LEKR1: variants seen among roughly 807,000 people sequenced by gnomAD.
LEKR1 encodes protein LEKR1.
Under a neutral mutation model 72.4 loss-of-function variants are expected in LEKR1, and 59 were observed. That is an observed-to-expected ratio of 0.82 (90% confidence interval 0.66 to 1.01). The LOEUF (loss-of-function observed/expected upper bound fraction) is 1.01, where lower values mean the gene tolerates loss of function less well. Ranked by LOEUF, LEKR1 falls within the 50% of genes least tolerant of loss-of-function variation. The pLI is 0.00. For synonymous variants in LEKR1, 257 were observed against 263.2 expected, an observed-to-expected ratio of 0.98 and a Z score of 0.23; for missense variants, 728 against 759.2, an observed-to-expected ratio of 0.96 and a Z score of 0.48.
intron 6 of LEKR1, among the ~76,000 whole-genome samples, chr3:156,973,166 G>T (rs750006802): frequency 6.6e-6 from 1 of 151,900 alleles, no homozygotes; most frequent in African/African-American, 2.4e-5. Flanking sequence ...TAAAGTCTGC[G>T]AAGTTTTATT....
chr3:156,829,608 G>C (rs991553580), intron 2 of LEKR1, among the ~76,000 whole-genome samples: 3 of 152,192 alleles, frequency 2.0e-5, no homozygotes, highest in African/African-American at 7.2e-5. Flanking sequence ...TACAGTATTT[G>C]ACCAGGTGGT....
intron 3 of LEKR1, among the ~76,000 whole-genome samples, chr3:156,909,669 A>AAAAAG (rs1553800892): frequency 0.13 from 19,020 of 145,792 alleles, 1,900 homozygotes; most frequent in African/African-American, 0.25. Flanking sequence ...AAAAAAAAAA[A>AAAAAG]AAAGAAATCT....
chr3:157,022,706 G>A (rs1442811726), intron 10 of LEKR1, among the ~76,000 whole-genome samples: 1 of 152,134 alleles, frequency 6.6e-6, no homozygotes, highest in Non-Finnish European at 1.5e-5. Flanking sequence ...CTACCAGGAG[G>A]CAAAGTGGAT....
At chr3:156,829,648 GA>G (rs1175725243) in intron 2 of LEKR1, among the ~76,000 whole-genome samples, 1 of 152,224 alleles carries the variant, frequency 6.6e-6, no homozygotes, top group East Asian at 1.9e-4. Flanking sequence ...GCAGGCATCA[GA>G]AACGTCCATG....
intron 9 of LEKR1, among the ~76,000 whole-genome samples, chr3:156,996,301 TA>T (rs1560135063): frequency 6.6e-6 from 1 of 152,066 alleles, no homozygotes. Context: ...GCCCATTTCC[TA>T]AAGGAAGACA....
intron 9 of LEKR1, among the ~76,000 whole-genome samples, chr3:157,006,037 C>T (rs1732400177): frequency 6.7e-6 from 1 of 148,436 alleles, no homozygotes; most frequent in Non-Finnish European, 1.5e-5. Flanking sequence ...CTCGCTCTGT[C>T]GCCCAGGCCG....
chr3:156,907,690 C>A (rs905033046), intron 3 of LEKR1, among the ~76,000 whole-genome samples: 2 of 152,028 alleles, frequency 1.3e-5, no homozygotes, highest in African/African-American at 4.8e-5. Context: ...AAAAATAGTA[C>A]AGATAGTTTT....
In LEKR1 at chr3:157,017,957, A is replaced by G. The variant is rs9855737; in HGVS notation, c.1203+6451A>G. On this transcript the variant is annotated intron_variant, in intron 10 of 12. Transcript: ENST00000356539. ...GAGCGAGACTCTGTCTCAAAAAAAA[A>G]AAAAAAAAAAAAAAAGAAAGCTGGA... Among the ~76,000 whole-genome samples, 762 of 107,742 alleles carry G rather than the reference A, an allele frequency of 7.1e-3. 7 individuals are homozygous for G. The highest frequency in any genetic ancestry group is 0.019 in the African/African-American group (713 of 37,086). 70.7% of individuals were successfully genotyped at this position (107,742 alleles called of 152,430 possible). A position where few individuals can be genotyped will look rare whatever the true frequency, so the allele number is the denominator to read the frequency against.
chr3:157,017,429 C>T (rs1334548127), intron 10 of LEKR1: 2 of 152,090 alleles, frequency 1.3e-5, no homozygotes, highest in African/African-American at 2.4e-5. Context: ...AGCAGGTGTC[C>T]CCATCCTCCC....
At chr3:156,936,458 C>CACACAT (rs886539186) in intron 5 of LEKR1, among the ~76,000 whole-genome samples, 3 of 126,622 alleles carry the variant, frequency 2.4e-5, no homozygotes, top group Admixed American at 8.9e-5. Flanking sequence ...CACACACACA[C>CACACAT]ACACACACCC....
intron 3 of LEKR1, among the ~76,000 whole-genome samples, chr3:156,899,399 T>C (rs1006108566): frequency 6.2e-5 from 5 of 80,722 alleles, no homozygotes; most frequent in Admixed American, 3.1e-4. Context: ...CATGTATATA[T>C]ACATATATAC....
intron 6 of LEKR1, among the ~76,000 whole-genome samples, chr3:156,949,262 C>G (rs1681173859): frequency 6.6e-6 from 1 of 151,456 alleles, no homozygotes; most frequent in Admixed American, 6.6e-5. Context: ...TGGTAATTCC[C>G]TAGGTTGTCT....
intron 3 of LEKR1, among the ~76,000 whole-genome samples, chr3:156,872,678 C>T (rs1718091667): frequency 6.6e-6 from 1 of 151,836 alleles, no homozygotes; most frequent in African/African-American, 2.4e-5. Flanking sequence ...TTTTTTATTT[C>T]CTCCTTAATT....
chr3:156,902,549 C>A (rs1002187779), intron 3 of LEKR1, among the ~76,000 whole-genome samples: 1 of 152,086 alleles, frequency 6.6e-6, no homozygotes, highest in African/African-American at 2.4e-5. Flanking sequence ...TCACTGAAGA[C>A]ATCCTGGACA....
At chr3:156,914,454 G>T (rs1404729478) in intron 3 of LEKR1, among the ~76,000 whole-genome samples, 1 of 152,064 alleles carries the variant, frequency 6.6e-6, no homozygotes, top group East Asian at 1.9e-4. Context: ...GAGATTGATG[G>T]TTTCCAGCTT....
chr3:157,019,380 A>G (rs1218598009), intron 10 of LEKR1, among the ~76,000 whole-genome samples: 2 of 152,228 alleles, frequency 1.3e-5, no homozygotes, highest in Admixed American at 6.5e-5. Context: ...CATTTCAACA[A>G]CAAATACAAA....
At chr3:157,015,532 A>G (rs139323514) in intron 10 of LEKR1, among the ~76,000 whole-genome samples, 2 of 152,318 alleles carry the variant, frequency 1.3e-5, no homozygotes, top group East Asian at 3.9e-4. Flanking sequence ...TGCATAATAC[A>G]TTTTAAAAGG....
intron 5 of LEKR1, among the ~76,000 whole-genome samples, chr3:156,929,472 A>G (rs559450057): frequency 1.3e-5 from 2 of 152,292 alleles, no homozygotes; most frequent in East Asian, 3.9e-4. Context: ...TTAATTCTCC[A>G]TGAAGTCAGA....
In LEKR1 at chr3:156,993,117, T is replaced by C; in HGVS notation, c.949T>C (p.Cys317Arg). 6.2e-7 allele frequency: 1 copy of C among 1,610,588 alleles called. No individual in the cohort carries two copies. Among genetic ancestry groups the C allele is most frequent in the Non-Finnish European group, 8.5e-7 (1 of 1,178,766 alleles). ...GGAAAAAGAAGACTCTTTAATGACTTGTCAACAGATATATAAAGCATTACA... is the reference window on the plus strand; with the variant it reads ...GGAAAAAGAAGACTCTTTAATGACTCGTCAACAGATATATAAAGCATTACA... ...LKEKEDSLMT[C>R]QQIYKALQEE... Residue 317 changes from cysteine to arginine, a missense_variant, in exon 9 of 13, where the codon TGT (cysteine) becomes CGT (arginine). Cys to Arg is a radical substitution (Grantham distance 180). Coordinates refer to ENST00000356539, the MANE Select transcript of LEKR1 (RefSeq NM_001004316.3).
Sources: gnomAD v4.1 joint callset for allele counts (sites outside exome capture counted in the v4.1 genomes callset) on GRCh38, gnomAD v4.1.1 for gene constraint, MANE v1.5 for transcripts, NCBI Gene and HGNC (gene_info 2026-07-23, HGNC 2026-07-21) for gene names.